TIAM1: variants seen among roughly 807,000 people sequenced by gnomAD.
TIAM1 encodes rho guanine nucleotide exchange factor TIAM1.
Under a neutral mutation model 163.5 loss-of-function variants are expected in TIAM1, and 65 were observed. The ratio of observed to expected loss-of-function variants is 0.40; its 90% CI spans 0.33 to 0.49. The LOEUF (loss-of-function observed/expected upper bound fraction) is 0.49, where lower values mean the gene tolerates loss of function less well. Among genes scored for constraint, TIAM1 ranks in the 20% least tolerant of loss-of-function variants. TIAM1 has a pLI of 0.77. For synonymous variants in TIAM1, 833 were observed against 810.1 expected (o/e 1.03, Z -0.48); for missense variants, 1,789 against 2,044.7 (o/e 0.87, Z 2.41).
intron 1 of TIAM1, among the ~76,000 whole-genome samples, chr21:31,529,085 AT>A (rs960487215): frequency 6.6e-5 from 10 of 151,168 alleles, no homozygotes; most frequent in South Asian, 2.1e-4. Flanking sequence ...TGCCCAGCTA[AT>A]TTTTTTGTAT....
intron 2 of TIAM1, among the ~76,000 whole-genome samples, chr21:31,335,873 G>A (rs1015589979): frequency 5.3e-5 from 8 of 152,240 alleles, no homozygotes; most frequent in African/African-American, 1.9e-4. Context: ...TCAACTCCAG[G>A]GTCACTGCCA....
At chr21:31,324,245 G>A (rs2075411967) in intron 2 of TIAM1, among the ~76,000 whole-genome samples, 1 of 151,896 alleles carries the variant, frequency 6.6e-6, no homozygotes, top group Non-Finnish European at 1.5e-5. Context: ...ACAGACTGTG[G>A]GTGGATACTG....
intron 2 of TIAM1, among the ~76,000 whole-genome samples, chr21:31,325,479 C>G (rs184019925): frequency 1.3e-5 from 2 of 151,852 alleles, no homozygotes; most frequent in Admixed American, 1.3e-4. Context: ...ACCAGCCTGG[C>G]CAACACGGCA....
intron 1 of TIAM1, among the ~76,000 whole-genome samples, chr21:31,545,854 T>C (rs1164579619): frequency 6.6e-6 from 1 of 152,168 alleles, no homozygotes; most frequent in African/African-American, 2.4e-5. Flanking sequence ...TCTCCATGTG[T>C]AAAGTGGATT....
intron 23 of TIAM1, among the ~76,000 whole-genome samples, chr21:31,133,185 T>C (rs906362277): frequency 8.5e-5 from 13 of 152,194 alleles, no homozygotes; most frequent in Non-Finnish European, 1.9e-4. Flanking sequence ...ACCCAAACCA[T>C]CAAACTTGTC....
intron 15 of TIAM1, among the ~76,000 whole-genome samples, chr21:31,173,116 C>G (rs2084593613): frequency 6.6e-6 from 1 of 152,134 alleles, no homozygotes; most frequent in African/African-American, 2.4e-5. Flanking sequence ...TTACACACAT[C>G]TACTTTGGTT....
intron 1 of TIAM1, among the ~76,000 whole-genome samples, chr21:31,467,838 C>T (rs1569357361): frequency 6.6e-6 from 1 of 151,786 alleles, no homozygotes; most frequent in Non-Finnish European, 1.5e-5. Flanking sequence ...AATCCTAGCA[C>T]TTTAGGAGGC....
At chr21:31,305,947 C>T (rs77183526) in intron 2 of TIAM1, among the ~76,000 whole-genome samples, 23,855 of 152,062 alleles carry the variant, frequency 0.16, 2,083 homozygotes, top group Middle Eastern at 0.35. Flanking sequence ...AGGGCAAGTC[C>T]CCCAGGGGAG....
intron 15 of TIAM1, among the ~76,000 whole-genome samples, chr21:31,168,794 T>C (rs2084366270): frequency 6.6e-6 from 1 of 152,246 alleles, no homozygotes; most frequent in Non-Finnish European, 1.5e-5. Flanking sequence ...GAATTCACTC[T>C]TAATGATGAT....
chr21:31,173,749 T>C (rs925217332), intron 15 of TIAM1, among the ~76,000 whole-genome samples: 50 of 152,208 alleles, frequency 3.3e-4, no homozygotes, highest in African/African-American at 1.2e-3. Flanking sequence ...TTGTTTCCTA[T>C]AGAAATTTAA....
chr21:31,154,190 CCAA>C, intron 17 of TIAM1, 54 bp downstream of exon 17: 3 of 1,565,452 alleles, frequency 1.9e-6, no homozygotes, highest in Middle Eastern at 1.7e-4. Flanking sequence ...AGCAGACACA[CCAA>C]CTTCACTCCT....
intron 6 of TIAM1, among the ~76,000 whole-genome samples, chr21:31,233,227 A>ATAAT (rs1416993957): frequency 6.6e-6 from 1 of 152,240 alleles, no homozygotes; most frequent in African/African-American, 2.4e-5. Context: ...AAGCACAAGA[A>ATAAT]TAATTGTAAA....
intron 1 of TIAM1, among the ~76,000 whole-genome samples, chr21:31,512,926 G>A (rs1056695073): frequency 2.0e-5 from 3 of 151,910 alleles, no homozygotes; most frequent in Admixed American, 2.0e-4. Context: ...TTACAGGCAC[G>A]ACACACGGCA....
At chr21:31,431,728 G>GC (rs1479102345) in intron 2 of TIAM1, among the ~76,000 whole-genome samples, 1 of 152,156 alleles carries the variant, frequency 6.6e-6, no homozygotes, top group Non-Finnish European at 1.5e-5. Context: ...TTGCTTGTAG[G>GC]CCAAAGCCTG....
intron 1 of TIAM1, among the ~76,000 whole-genome samples, chr21:31,468,172 T>G (rs2045599754): frequency 6.6e-6 from 1 of 151,774 alleles, no homozygotes; most frequent in Non-Finnish European, 1.5e-5. Context: ...GGGCAGAGGT[T>G]ATTTAAGAAT....
intron 2 of TIAM1, among the ~76,000 whole-genome samples, chr21:31,302,286 A>T (rs1006157180): frequency 2.0e-5 from 3 of 152,234 alleles, no homozygotes; most frequent in Non-Finnish European, 4.4e-5. Context: ...TAGTCTTGGT[A>T]ATATGAATAT....
At chr21:31,220,128 C>A (rs16987970) in intron 8 of TIAM1, among the ~76,000 whole-genome samples, 8,581 of 152,188 alleles carry the variant, frequency 0.056, 831 homozygotes, top group African/African-American at 0.19. Context: ...TACATAGAGG[C>A]AACCGTATAA....
chr21:31,430,273 C>CACACAT (rs1022029715), intron 2 of TIAM1, among the ~76,000 whole-genome samples: 3 of 126,216 alleles, frequency 2.4e-5, no homozygotes, highest in South Asian at 2.4e-4. Flanking sequence ...CACACACACA[C>CACACAT]ATATATATAT....
chr21:31,182,962 A>G (rs2085106549), intron 14 of TIAM1, among the ~76,000 whole-genome samples: 1 of 152,104 alleles, frequency 6.6e-6, no homozygotes, highest in Admixed American at 6.6e-5. Flanking sequence ...TTATCTTCCT[A>G]CACTTTTGGG....
Sources: gnomAD v4.1 joint callset for allele counts (sites outside exome capture counted in the v4.1 genomes callset) on GRCh38, gnomAD v4.1.1 for gene constraint, MANE v1.5 for transcripts, NCBI Gene and HGNC (gene_info 2026-07-23, HGNC 2026-07-21) for gene names.